Variants in CNTN1 observed in about 807,000 individuals in gnomAD.
The protein encoded by CNTN1 is contactin 1, also known as contactin-1.
A neutral mutation model predicts 126.4 loss-of-function variants in CNTN1; 38 were observed. That is an observed-to-expected ratio of 0.30 (90% CI 0.23 to 0.39). The LOEUF (loss-of-function observed/expected upper bound fraction) is 0.39. Ranked by LOEUF, CNTN1 falls within the 10% of genes least tolerant of loss-of-function variation. The pLI is 1.00. For missense variants in CNTN1, 1,009 were observed against 1,248.4 expected, an observed-to-expected ratio of 0.81 and a Z score of 2.89; for synonymous variants, 413 against 422.6, an observed-to-expected ratio of 0.98 and a Z score of 0.28.
At chr12:40,751,791 G>C (rs10506173) in intron 1 of CNTN1, among the ~76,000 whole-genome samples, 1 of 151,906 alleles carries the variant, frequency 6.6e-6, no homozygotes, top group Non-Finnish European at 1.5e-5. Flanking sequence ...GCTAAGTAGC[G>C]ATAACATCTA....
intron 23 of CNTN1, among the ~76,000 whole-genome samples, chr12:41,045,938 T>G (rs778816296): frequency 8.2e-4 from 125 of 152,072 alleles, no homozygotes; most frequent in Non-Finnish European, 1.6e-3. Context: ...CAGTCTTGGG[T>G]CACATGGCCA....
chr12:40,809,767 G>C (rs1163954951), intron 1 of CNTN1, among the ~76,000 whole-genome samples: 2 of 151,696 alleles, frequency 1.3e-5, no homozygotes, highest in African/African-American at 2.4e-5. Flanking sequence ...AGTGAGCCGA[G>C]ATTGTGCCAC....
At chr12:40,974,959 A>G (rs60449393) in intron 15 of CNTN1, among the ~76,000 whole-genome samples, 5,239 of 152,052 alleles carry the variant, frequency 0.034, 296 homozygotes, top group African/African-American at 0.12. Context: ...AGAGAACAAT[A>G]GTGTAGACTT....
intron 1 of CNTN1, among the ~76,000 whole-genome samples, chr12:40,718,437 CCAAAGTGCTGGGATTA>C (rs1269124012): frequency 6.6e-6 from 1 of 152,096 alleles, no homozygotes; most frequent in East Asian, 1.9e-4. Context: ...CCTGGGCCTC[CCAAAGTGCTGGGATTA>C]CAGGCGTGAG....
At chr12:40,993,343 T>G (rs1192240959) in intron 17 of CNTN1, 74 bp downstream of exon 17, 2 of 1,264,062 alleles carry the variant, frequency 1.6e-6, no homozygotes, top group South Asian at 1.2e-5. Context: ...TGGTTGAATG[T>G]ATTTGAAAAT....
At chr12:40,874,897 T>A (rs1943618534) in intron 1 of CNTN1, among the ~76,000 whole-genome samples, 1 of 152,166 alleles carries the variant, frequency 6.6e-6, no homozygotes, top group Non-Finnish European at 1.5e-5. Flanking sequence ...TAGGAAGAAC[T>A]ATTATTATCT....
At position 41,035,103 on chromosome 12, in the gene CNTN1, A is replaced by G. The variant is rs182689338; in HGVS notation, c.2980+5884A>G. Among the ~76,000 whole-genome samples, 3 of 152,218 alleles carry G rather than the reference A, an allele frequency of 2.0e-5. No individual in the cohort carries two copies. The East Asian group carries it at 5.8e-4, about 29-fold the overall frequency. On this transcript the variant is annotated intron_variant, in intron 23 of 23. Coordinates refer to ENST00000551295, the MANE Select transcript of CNTN1 (RefSeq NM_001843.4). The stretch of plus-strand genomic sequence containing the variant: ...TCTAAACTAACCTAGGTTTTTTCAA[A>G]TTTTCCCTAAGGTTTCCATTAGCTG...
chr12:40,870,836 G>A (rs1303554037), intron 1 of CNTN1, among the ~76,000 whole-genome samples: 1 of 152,122 alleles, frequency 6.6e-6, no homozygotes, highest in Non-Finnish European at 1.5e-5. Context: ...TTCATAAATG[G>A]TTGGTCTGAG....
chr12:40,814,806 A>G (rs1248133249), intron 1 of CNTN1, among the ~76,000 whole-genome samples: 5 of 152,082 alleles, frequency 3.3e-5, no homozygotes, highest in Admixed American at 6.6e-5. Flanking sequence ...CATTTTCACG[A>G]TATTGATTCT....
At chr12:40,959,851 C>T (rs1947044978) in intron 15 of CNTN1, among the ~76,000 whole-genome samples, 1 of 152,078 alleles carries the variant, frequency 6.6e-6, no homozygotes, top group African/African-American at 2.4e-5. Flanking sequence ...AAAGAGCTGG[C>T]TCTTCACTGA....
chr12:40,868,799 T>A (rs1314243676), intron 1 of CNTN1, among the ~76,000 whole-genome samples: 1 of 152,086 alleles, frequency 6.6e-6, no homozygotes, highest in Non-Finnish European at 1.5e-5. Flanking sequence ...TGAGACCAAC[T>A]GTGTTTTCTC....
intron 1 of CNTN1, among the ~76,000 whole-genome samples, chr12:40,869,559 C>T (rs559516200): frequency 2.6e-5 from 4 of 152,190 alleles, no homozygotes; most frequent in East Asian, 3.9e-4. Flanking sequence ...TGTGAGCCAC[C>T]GTGTCCAGTC....
intron 1 of CNTN1, among the ~76,000 whole-genome samples, chr12:40,788,887 G>T (rs1004687353): frequency 2.0e-5 from 3 of 151,938 alleles, no homozygotes; most frequent in Non-Finnish European, 4.4e-5. Context: ...TAAAGTACCC[G>T]CTACATAGTA....
At chr12:40,868,701 T>C (rs1021240827) in intron 1 of CNTN1, among the ~76,000 whole-genome samples, 1 of 152,086 alleles carries the variant, frequency 6.6e-6, no homozygotes, top group Non-Finnish European at 1.5e-5. Flanking sequence ...CTGTGGCTGA[T>C]TGTACTGCAT....
chr12:40,819,774 T>C (rs1941386138), intron 1 of CNTN1, among the ~76,000 whole-genome samples: 1 of 152,164 alleles, frequency 6.6e-6, no homozygotes, highest in Admixed American at 6.5e-5. Flanking sequence ...GTTCTGGGAT[T>C]GGGACACTAG....
At chr12:41,005,435 T>C (rs533565781) in intron 17 of CNTN1, among the ~76,000 whole-genome samples, 16 of 151,526 alleles carry the variant, frequency 1.1e-4, no homozygotes, top group African/African-American at 3.9e-4. Flanking sequence ...TGAAGTACCT[T>C]ACTGTGGTTC....
chr12:40,752,466 C>A lies in CNTN1; in HGVS notation c.-77+59874C>A, dbSNP rs79133294. ...AACATTTTAAGTGGTAGAAACTGTCCTTATATGATTTTGAAAAAATGTCTG... is the reference window on the plus strand; with the variant it reads ...AACATTTTAAGTGGTAGAAACTGTCATTATATGATTTTGAAAAAATGTCTG... On this transcript the variant is annotated intron_variant, in intron 1 of 23. Transcript: ENST00000551295. Among the ~76,000 whole-genome samples the A allele has an allele frequency of 6.9e-3, 1,054 of 152,074 alleles. 40 individuals are homozygous for A. The highest frequency in any genetic ancestry group is 0.055 in the Admixed American group (836 of 15,244).
chr12:40,819,521 T>C (rs113999067), intron 1 of CNTN1, among the ~76,000 whole-genome samples: 3,407 of 152,260 alleles, frequency 0.022, 126 homozygotes, highest in African/African-American at 0.077. Flanking sequence ...AGCTATCCAG[T>C]CTTCCTGGCT....
intron 1 of CNTN1, among the ~76,000 whole-genome samples, chr12:40,787,388 A>G (rs924380558): frequency 6.6e-6 from 1 of 152,170 alleles, no homozygotes; most frequent in African/African-American, 2.4e-5. Context: ...GCACAGCTGC[A>G]TCTTTCAGTG....
Sources: allele counts gnomAD v4.1 joint callset (sites outside exome capture counted in the v4.1 genomes callset), GRCh38; gene constraint gnomAD v4.1.1; transcripts MANE v1.5; gene names NCBI Gene and HGNC (gene_info 2026-07-23, HGNC 2026-07-21).